DCAF8L2: variants seen among roughly 807,000 people sequenced by gnomAD.
The protein encoded by DCAF8L2 is DDB1 and CUL4 associated factor 8 like 2.
For synonymous variants in DCAF8L2, 200 were observed against 190.9 expected, an observed-to-expected ratio of 1.05 and a Z score of -0.39; for missense variants, 430 against 490.7, an observed-to-expected ratio of 0.88 and a Z score of 1.17.
chrX:27,509,871 CATA>C, the DCAF8L2 span, among the ~76,000 whole-genome samples: 1 of 111,419 alleles, frequency 9.0e-6, no homozygotes, highest in South Asian at 3.7e-4. Context: ...TTATGGAAGT[CATA>C]ATAATATCTA....
At chrX:27,619,123 G>A (rs1927627853) in intron 1 of DCAF8L2, among the ~76,000 whole-genome samples, 1 of 110,019 alleles carries the variant, frequency 9.1e-6, no homozygotes. Context: ...TGGAAAACTA[G>A]CTCTATGAGA....
chrX:27,655,116 G>A (rs1332821155), intron 2 of DCAF8L2, among the ~76,000 whole-genome samples: 2 of 110,911 alleles, frequency 1.8e-5, no homozygotes, highest in Non-Finnish European at 3.8e-5. Flanking sequence ...AAGATGTAGG[G>A]AAAAATTAAA....
chrX:27,508,558 C>T, the DCAF8L2 span, among the ~76,000 whole-genome samples: 1 of 108,551 alleles, frequency 9.2e-6, no homozygotes, highest in African/African-American at 3.4e-5. Context: ...GATTCATAAG[C>T]ACAAATTCCC....
At chrX:27,479,882 T>C in the DCAF8L2 span, among the ~76,000 whole-genome samples, 6 of 112,325 alleles carry the variant, frequency 5.3e-5, no homozygotes, top group East Asian at 1.7e-3. Context: ...CACACCCACC[T>C]AGAGAGGGTC....
intron 1 of DCAF8L2, among the ~76,000 whole-genome samples, chrX:27,614,284 G>A: frequency 9.0e-6 from 1 of 110,622 alleles, no homozygotes; most frequent in Admixed American, 9.6e-5. Context: ...TATTTCTGTG[G>A]TATCGGTGGT....
chrX:27,684,095 T>C (rs1930416956), intron 3 of DCAF8L2, among the ~76,000 whole-genome samples: 1 of 112,251 alleles, frequency 8.9e-6, no homozygotes, highest in Admixed American at 9.5e-5. Context: ...CTTTTTTCAT[T>C]GAATACTTTG....
the DCAF8L2 span, among the ~76,000 whole-genome samples, chrX:27,475,565 G>A: frequency 9.0e-5 from 10 of 111,563 alleles, no homozygotes; most frequent in Admixed American, 3.8e-4. Flanking sequence ...TTAGTGTGTC[G>A]CTTGAACAGG....
the DCAF8L2 span, among the ~76,000 whole-genome samples, chrX:27,578,125 A>G: frequency 9.0e-6 from 1 of 111,700 alleles, no homozygotes; most frequent in Non-Finnish European, 1.9e-5. Context: ...ACAAAACTGG[A>G]GGCATCAAGC....
the DCAF8L2 span, among the ~76,000 whole-genome samples, chrX:27,514,387 C>A: frequency 9.1e-6 from 1 of 110,004 alleles, no homozygotes. Context: ...AGAGTGAAAT[C>A]GGCCGCGCGC....
chrX:27,658,987 G>A (rs1454268781), intron 2 of DCAF8L2, among the ~76,000 whole-genome samples: 1 of 111,883 alleles, frequency 8.9e-6, no homozygotes, highest in Non-Finnish European at 1.9e-5. Context: ...CCCACCTGCT[G>A]AGGCTGAACT....
At chrX:27,740,965 C>T (rs926180925) in intron 4 of DCAF8L2, among the ~76,000 whole-genome samples, 1 of 111,585 alleles carries the variant, frequency 9.0e-6, no homozygotes, top group Non-Finnish European at 1.9e-5. Flanking sequence ...TATTCACCAC[C>T]GTATTATCAG....
At chrX:27,732,860 T>C (rs1190145966) in intron 4 of DCAF8L2, among the ~76,000 whole-genome samples, 1 of 110,968 alleles carries the variant, frequency 9.0e-6, no homozygotes, top group African/African-American at 3.3e-5. Context: ...TTCCCTTTTT[T>C]TAAAAAAAAT....
chrX:27,582,991 C>A, the DCAF8L2 span, among the ~76,000 whole-genome samples: 7 of 111,587 alleles, frequency 6.3e-5, no homozygotes, highest in Non-Finnish European at 1.1e-4. Flanking sequence ...TCTCATCAAA[C>A]TTCACTTACT....
intron 3 of DCAF8L2, among the ~76,000 whole-genome samples, chrX:27,696,092 G>A (rs1312312590): frequency 9.3e-6 from 1 of 107,582 alleles, no homozygotes; most frequent in East Asian, 2.9e-4. Flanking sequence ...CCAGCTATTC[G>A]GGAGGCTGAG....
the DCAF8L2 span, among the ~76,000 whole-genome samples, chrX:27,559,784 A>G: frequency 1.8e-5 from 2 of 111,524 alleles, no homozygotes; most frequent in East Asian, 5.7e-4. Context: ...AACACGTGAT[A>G]CAAAAAGCTC....
At chrX:27,729,878 A>T (rs1921088380) in intron 4 of DCAF8L2, among the ~76,000 whole-genome samples, 1 of 111,948 alleles carries the variant, frequency 8.9e-6, no homozygotes, top group Admixed American at 9.5e-5. Flanking sequence ...CTAGCTGAAC[A>T]TGAGATGAAA....
intron 3 of DCAF8L2, among the ~76,000 whole-genome samples, chrX:27,703,936 A>C (rs1931224587): frequency 9.2e-6 from 1 of 108,810 alleles, no homozygotes; most frequent in African/African-American, 3.4e-5. Flanking sequence ...AGATCACCAT[A>C]AAGGAAGTGA....
rs73532440 is a variant in DCAF8L2, at chrX:27,672,263, A to G, written c.-219-5573A>G. 9.1e-3 allele frequency among the ~76,000 whole-genome samples: 1,022 copies of G among 112,116 alleles called. 4 individuals are homozygous for G. The highest frequency in any genetic ancestry group is 0.03 in the African/African-American group (926 of 30,894). On this transcript the variant is annotated intron_variant, in intron 2 of 4. Coordinates refer to ENST00000451261, the MANE Select transcript of DCAF8L2 (RefSeq NM_001353450.2). ...GATCAGCTTATCTAAAGGTAGTCAA[A>G]GGACTGAGGTAATGCCAAGCACAGG...
the DCAF8L2 span, among the ~76,000 whole-genome samples, chrX:27,547,836 TC>T: frequency 2.1e-4 from 20 of 93,062 alleles, no homozygotes; most frequent in African/African-American, 7.4e-4. Context: ...TCTCTCTCTC[TC>T]TCTCTCTTTC....
Sources: allele counts gnomAD v4.1 joint callset (sites outside exome capture counted in the v4.1 genomes callset), GRCh38; gene constraint gnomAD v4.1.1; transcripts MANE v1.5; gene names NCBI Gene and HGNC (gene_info 2026-07-23, HGNC 2026-07-21).